The following DNAJB6 variants were observed in gnomAD, a reference collection of about 807,000 sequenced individuals.
DNAJB6 encodes DnaJ heat shock protein family (Hsp40) member B6, also known as dnaJ homolog subfamily B member 6.
Under a neutral mutation model 42.7 loss-of-function variants are expected in DNAJB6, and 16 were observed. The ratio of observed to expected loss-of-function variants is 0.37; its 90% CI spans 0.25 to 0.57. The LOEUF is 0.57. DNAJB6 is among the 20% of genes least tolerant of loss of function. The probability of loss-of-function intolerance (pLI) is 0.74; values close to 1 mark genes in which losing one functional copy is unlikely to be tolerated. For synonymous variants in DNAJB6, 170 were observed against 163.5 expected (o/e 1.04, Z -0.30); for missense variants, 347 against 416.8 (o/e 0.83, Z 1.46).
chr7:157,347,893 T>C (rs1009504547), intron 1 of DNAJB6, among the ~76,000 whole-genome samples: 1 of 152,170 alleles, frequency 6.6e-6, no homozygotes, highest in Admixed American at 6.5e-5. Flanking sequence ...CCTCCCGGGC[T>C]CAAGCGATTC....
At chr7:157,364,197 T>A (rs1372527922) in intron 3 of DNAJB6, among the ~76,000 whole-genome samples, 1 of 151,990 alleles carries the variant, frequency 6.6e-6, no homozygotes, top group East Asian at 1.9e-4. Context: ...AGTGCGAGAC[T>A]GTCTCCAAAA....
intron 9 of DNAJB6, chr7:157,414,949 G>A (rs546277185): frequency 2.5e-4 from 38 of 152,398 alleles, no homozygotes; most frequent in African/African-American, 7.5e-4. Flanking sequence ...CCTGGCACCC[G>A]GCCTACCATG....
At chr7:157,415,325 C>G (rs1175288360) in intron 9 of DNAJB6, 1 of 152,278 alleles carries the variant, frequency 6.6e-6, no homozygotes, top group Non-Finnish European at 1.5e-5. Context: ...CCATGCACTT[C>G]AGCTGGATCA....
At chr7:157,367,541 T>TTAGC (rs748125033) in intron 5 of DNAJB6, 58 bp downstream of exon 5, 149 of 1,014,084 alleles carry the variant, frequency 1.5e-4, no homozygotes, top group Non-Finnish European at 2.2e-4. Flanking sequence ...GAGGGCTTAC[T>TTAGC]TAGTATGGCC....
At chr7:157,350,053 A>G (rs573792723) in intron 1 of DNAJB6, among the ~76,000 whole-genome samples, 1 of 152,304 alleles carries the variant, frequency 6.6e-6, no homozygotes, top group South Asian at 2.1e-4. Flanking sequence ...TCCCCAGAAC[A>G]CTGGGATTAC....
rs545602797 is a variant in DNAJB6 at position 157,383,165 on chromosome 7, C to A, written c.478+788C>A. Among the ~76,000 whole-genome samples the A allele has an allele frequency of 9.1e-4, 138 of 152,206 alleles. 1 individual carries two copies. Among genetic ancestry groups the A allele is most frequent in the Middle Eastern group, 6.8e-3 (2 of 294 alleles). ...GGGATCACAGGTGTGCACCAGCAGG[C>A]CCAGCTAATTTTTGTATTTTTAATG... On this transcript the variant is annotated intron_variant, in intron 6 of 9. Coordinates refer to ENST00000262177, the MANE Select transcript of DNAJB6 (RefSeq NM_058246.4).
Position 157,388,241 on chromosome 7 carries a change from T to TAA in DNAJB6, c.691+2631_691+2632insAA, listed in dbSNP as rs1334378525. On this transcript the variant is annotated intron_variant, in intron 8 of 9. Transcript: ENST00000262177. ...AAGCCTATTTGTTGCTGTCAAATCT[T>TAA]ACACCTTTCATTTTTAAACCCCGTT... is the stretch of plus-strand genomic sequence containing the variant. Among the ~76,000 whole-genome samples, 5 of 152,348 alleles carry TAA rather than the reference T, an allele frequency of 3.3e-5. No individual in the cohort carries two copies. The South Asian group carries it at 8.3e-4, about 25-fold the overall frequency.
rs770003519 is a variant in DNAJB6, at chr7:157,363,168, A to C, written c.73A>C (p.Lys25Gln). ...TCCTTTATTCTTTCCAAGATATCGG[A>C]AACTGGCACTGAAGTGGCATCCAGA... ...SPEDIKKAYR[K>Q]LALKWHPDKN... The change falls in exon 3 of 10, where the codon AAA (lysine) becomes CAA (glutamine). Residue 25 changes from lysine (K) to glutamine (Q), a missense_variant. Physicochemically the swap from Lys to Gln is moderately conservative, Grantham distance 53. Transcript: ENST00000262177. 2 of 1,604,032 alleles carry C rather than the reference A, an allele frequency of 1.2e-6. No individual in the cohort carries two copies. Among genetic ancestry groups the C allele is most frequent in the South Asian group, 1.1e-5 (1 of 89,260 alleles).
intron 3 of DNAJB6, 28 bp from the exon 4 acceptor site, chr7:157,366,474 C>G (rs1563125336): frequency 6.2e-7 from 1 of 1,609,946 alleles, no homozygotes; most frequent in Non-Finnish European, 8.5e-7. Flanking sequence ...AGGAACTTGG[C>G]CTTACCGACT....
At chr7:157,358,051 G>A (rs1799396970) in intron 1 of DNAJB6, among the ~76,000 whole-genome samples, 1 of 152,146 alleles carries the variant, frequency 6.6e-6, no homozygotes, top group Non-Finnish European at 1.5e-5. Flanking sequence ...CCCTCGTGTG[G>A]GTGACAGAAT....
intron 5 of DNAJB6, chr7:157,369,622 G>GT (rs1417625085): frequency 3.6e-6 from 1 of 275,884 alleles, no homozygotes; most frequent in Non-Finnish European, 6.8e-6. Context: ...TCTTAACATT[G>GT]TTATTAAAGA....
At chr7:157,382,055 TAAAC>T in intron 5 of DNAJB6, 187 bp from the exon 6 acceptor site, 4 of 511,550 alleles carry the variant, frequency 7.8e-6, no homozygotes, top group Non-Finnish European at 1.3e-5. Flanking sequence ...TTAGTTGAAT[TAAAC>T]TAGTTAGTAA....
chr7:157,405,246 C>T (rs954648733), intron 8 of DNAJB6, among the ~76,000 whole-genome samples: 2 of 152,168 alleles, frequency 1.3e-5, no homozygotes, highest in African/African-American at 4.8e-5. Context: ...GCAGGATGTT[C>T]GAGAGAATGT....
chr7:157,338,596 A>G (rs564853619), intron 1 of DNAJB6, among the ~76,000 whole-genome samples: 1 of 152,190 alleles, frequency 6.6e-6, no homozygotes, highest in South Asian at 2.1e-4. Flanking sequence ...GGCCTCCCAA[A>G]GTGTTGGGAT....
chr7:157,337,340 TGGGGCCGGGGCC>T (rs1029191556), intron 1 of DNAJB6, among the ~76,000 whole-genome samples, 196 bp downstream of exon 1: 2 of 138,304 alleles, frequency 1.4e-5, no homozygotes, highest in Non-Finnish European at 3.1e-5. Context: ...GGGTCAGGTC[TGGGGCCGGGGCC>T]GGGGCTGGGG....
chr7:157,362,469 G>C (rs1381483595), intron 2 of DNAJB6, among the ~76,000 whole-genome samples: 1 of 152,084 alleles, frequency 6.6e-6, no homozygotes, highest in Non-Finnish European at 1.5e-5. Context: ...CTGCCTCCCA[G>C]GTTCCAGTGA....
At chr7:157,402,353 G>A (rs112015404) in intron 8 of DNAJB6, among the ~76,000 whole-genome samples, 2,929 of 152,340 alleles carry the variant, frequency 0.019, 90 homozygotes, top group African/African-American at 0.066. Context: ...CATGCTGCCC[G>A]TGCAGTGGCG....
intron 5 of DNAJB6, chr7:157,379,665 T>G (rs963118895): frequency 1.3e-5 from 2 of 152,400 alleles, no homozygotes; most frequent in African/African-American, 4.8e-5. Context: ...TTAAATTTAT[T>G]GTAGAGAAGG....
chr7:157,363,097 A>G (rs1473082725), intron 2 of DNAJB6, 64 bp from the exon 3 acceptor site: 5 of 1,135,378 alleles, frequency 4.4e-6, no homozygotes, highest in Non-Finnish European at 6.4e-6. Context: ...TAATGATGTT[A>G]GTTTCAAAAG....
Sources: allele counts gnomAD v4.1 joint callset (sites outside exome capture counted in the v4.1 genomes callset), GRCh38; gene constraint gnomAD v4.1.1; transcripts MANE v1.5; gene names NCBI Gene and HGNC (gene_info 2026-07-23, HGNC 2026-07-21).